The following BMP1 variants were observed in gnomAD, a reference collection of about 807,000 sequenced individuals.
BMP1 encodes the protein mammalian tolloid protein.
BMP1 carries 63 observed loss-of-function variants against 116.8 expected under a neutral mutation model. That is an observed-to-expected ratio of 0.54 (90% CI 0.44 to 0.67). The LOEUF (loss-of-function observed/expected upper bound fraction) is 0.67, where lower values mean the gene tolerates loss of function less well. Ranked by LOEUF, BMP1 falls within the 30% of genes least tolerant of loss-of-function variation. BMP1 has a pLI of 0.00. For missense variants in BMP1, 1,183 were observed against 1,358.9 expected (o/e 0.87, Z 2.04); for synonymous variants, 536 against 533.4 (o/e 1.00, Z -0.07).
rs769344023 is a variant in BMP1 at position 22,194,580 on chromosome 8, A to T, written c.1433A>T (p.Gln478Leu). Residue 478 changes from glutamine to leucine, a missense_variant, in exon 11 of 20, where the codon CAG becomes CTG. By Grantham distance (113) the Gln-to-Leu change is moderately radical (BLOSUM62 -2). Around this residue, in one of 4 missense-constraint regions of BMP1, gnomAD observed 956 missense variants for 1,135.2 expected, o/e 0.84. Transcript: ENST00000306385. This position sits in a 1 kb window ranked among gnomAD's most constrained non-coding sequence, Gnocchi z 4.5. Reference protein sequence around the residue: ...SEGFHVGLTFQSFEIERHDSC... With the variant: ...SEGFHVGLTFLSFEIERHDSC... ...GGCTTCCACGTGGGCCTCACATTCC[A>T]GTCCTTTGAGGTAGGTCAGTGGCCC... 6.2e-7 allele frequency: 1 copy of T among 1,614,094 alleles called. No individual in the cohort carries two copies. The highest frequency in any genetic ancestry group is 2.2e-5 in the East Asian group (1 of 44,870).
At chr8:22,201,009 C>CCCCCCCCCCCCCCCCA in intron 15 of BMP1, 1 of 486,862 alleles carries the variant, frequency 2.1e-6, no homozygotes, top group Non-Finnish European at 3.6e-6. Context: ...CCCTGCCCCT[C>CCCCCCCCCCCCCCCCA]AGATCCACCT....
At chr8:22,196,513 C>A in intron 13 of BMP1, 167 bp from the exon 14 acceptor site, 1 of 979,308 alleles carries the variant, frequency 1.0e-6, no homozygotes, top group Non-Finnish European at 1.5e-6. Context: ...GACACCCAGG[C>A]CACCCTGCCT....
chr8:22,181,610 T>A (rs1828623801), intron 8 of BMP1, among the ~76,000 whole-genome samples: 1 of 151,690 alleles, frequency 6.6e-6, no homozygotes, highest in South Asian at 2.1e-4. Flanking sequence ...TGGAGTGCAG[T>A]GGCGCGATCT....
At chr8:22,175,342 G>A (rs1828401646) in intron 2 of BMP1, among the ~76,000 whole-genome samples, 1 of 152,206 alleles carries the variant, frequency 6.6e-6, no homozygotes, top group South Asian at 2.1e-4. Flanking sequence ...TATTCAATGA[G>A]AAGGGATATT....
chr8:22,193,829 C>T (rs1829000872), intron 9 of BMP1, among the ~76,000 whole-genome samples: 1 of 152,294 alleles, frequency 6.6e-6, no homozygotes, highest in Middle Eastern at 3.4e-3. Context: ...TCTACCTTTC[C>T]TCCTAGAAAT....
chr8:22,202,093 G>A lies in BMP1; in HGVS notation c.2233+165G>A, dbSNP rs13257482. Among the ~76,000 whole-genome samples, 59,671 of 152,152 alleles carry A rather than the reference G, an allele frequency of 0.39. 16,710 individuals carry two copies. Among genetic ancestry groups the A allele is most frequent in the African/African-American group, 0.8 (33,220 of 41,506 alleles). On this transcript the variant is annotated intron_variant, in intron 16 of 19. Transcript: ENST00000306385. ...CTGGTACATAGATCCTCCTCCCGCA[G>A]TGTCGGAGCCACACGCTCACTTCTG...
rs527798004 is a variant in BMP1 at position 22,201,457 on chromosome 8, C to G, written c.2108-346C>G. ...CCTGTTGTGAAGTAAAAGAGGGACC[C>G]CTGCGTCCTGCTCCTTTCTCTTGCA... is the stretch of plus-strand genomic sequence containing the variant. On this transcript the variant is annotated intron_variant, in intron 15 of 19. Transcript: ENST00000306385. 7.8e-5 allele frequency: 109 copies of G among 1,404,404 alleles called. No homozygotes were observed. In the African/African-American group the frequency reaches 1.2e-3, roughly 15 times the overall value. 87.0% of individuals were successfully genotyped at this position (1,404,404 alleles called of 1,614,324 possible).
At chr8:22,178,971 C>G (rs191068157) in intron 6 of BMP1, among the ~76,000 whole-genome samples, 2 of 152,292 alleles carry the variant, frequency 1.3e-5, no homozygotes, top group South Asian at 2.1e-4. Flanking sequence ...TTCTGCCCCC[C>G]ACACCCACAG....
chr8:22,195,419 T>A (rs1050413350), intron 12 of BMP1, 43 bp from the exon 13 acceptor site: 1 of 1,568,090 alleles, frequency 6.4e-7, no homozygotes. Flanking sequence ...GCTTCTTCCC[T>A]TGAATGCCTG....
At chr8:22,167,965 G>A (rs1479263231) in intron 1 of BMP1, among the ~76,000 whole-genome samples, 3 of 152,130 alleles carry the variant, frequency 2.0e-5, no homozygotes, top group African/African-American at 7.2e-5. Flanking sequence ...ACCTCCAGAT[G>A]CTGGAGGTGA....
At position 22,194,083 on chromosome 8, in the gene BMP1, T is replaced by A. The variant is rs371924539; in HGVS notation, c.1206T>A (p.Pro402=). The change falls in exon 10 of 20, where the codon CCT becomes CCA. Residue 402 remains proline (P), a synonymous_variant. Coordinates refer to ENST00000306385, the MANE Select transcript of BMP1 (RefSeq NM_006129.5). This position sits in a 1 kb window ranked among gnomAD's most constrained non-coding sequence, Gnocchi z 4.5. ...GCCGCTTCTGCGGGTCCAAACTCCC[T>A]GAGCCTATCGTCTCCACTGACAGCC... ...LRGRFCGSKL[P]EPIVSTDSRL... is the part of the protein sequence containing the mutation. The A allele has an allele frequency of 6.2e-7, 1 of 1,614,224 alleles. No individual in the cohort carries two copies. The highest frequency in any genetic ancestry group is 8.5e-7 in the Non-Finnish European group (1 of 1,180,032).
chr8:22,196,597 C>T (rs1586463338), intron 13 of BMP1, 83 bp from the exon 14 acceptor site: 2 of 1,591,860 alleles, frequency 1.3e-6, no homozygotes, highest in Non-Finnish European at 1.7e-6. Flanking sequence ...CCATCTTCTC[C>T]TTACTGCATC....
intron 15 of BMP1, chr8:22,198,739 G>A (rs966596123): frequency 2.1e-5 from 4 of 191,812 alleles, no homozygotes; most frequent in Non-Finnish European, 4.2e-5. Flanking sequence ...ACCCCTGCCT[G>A]ACCCCCGGAT....
At chr8:22,196,069 G>C (rs754072743) in intron 13 of BMP1, 14 of 398,116 alleles carry the variant, frequency 3.5e-5, no homozygotes, top group African/African-American at 2.9e-4. Flanking sequence ...CTGTCCCCCC[G>C]TAGGCCGCAT....
rs1270433899 is a variant in BMP1, at chr8:22,186,854, T to TAAAACCGTCTCCTCCTC, written c.1078-5193_1078-5177dup. On this transcript the variant is annotated intron_variant, in intron 8 of 19. Coordinates refer to ENST00000306385, the MANE Select transcript of BMP1 (RefSeq NM_006129.5). ...GATCTGCTAACCGTGATTCCCTTCT[T>TAAAACCGTCTCCTCCTC]AAAACCGTCTCCTCCTCATAAAGGT... is the stretch of plus-strand genomic sequence containing the variant. Among the ~76,000 whole-genome samples, 3 of 152,322 alleles carry TAAAACCGTCTCCTCCTC rather than the reference T, an allele frequency of 2.0e-5. No individual in the cohort carries two copies. The East Asian group carries it at 5.8e-4, about 29-fold the overall frequency.
intron 19 of BMP1, 35 bp from the exon 20 acceptor site, chr8:22,211,559 T>C: frequency 6.2e-7 from 1 of 1,613,404 alleles, no homozygotes; most frequent in Non-Finnish European, 8.5e-7. Flanking sequence ...CCAGCCCCTC[T>C]TCCTCCACCT....
chr8:22,190,529 G>A (rs1159988258), intron 8 of BMP1, among the ~76,000 whole-genome samples: 5 of 152,206 alleles, frequency 3.3e-5, no homozygotes, highest in Non-Finnish European at 4.4e-5. Context: ...GACAATTTTC[G>A]ATGAAGCCGG....
intron 8 of BMP1, among the ~76,000 whole-genome samples, chr8:22,185,926 C>G (rs182112770): frequency 1.3e-3 from 196 of 150,962 alleles, no homozygotes; most frequent in African/African-American, 4.5e-3. Context: ...ACCTCCGCCT[C>G]CCGGGTTCAA....
At chr8:22,178,261 T>G (rs1370826603) in intron 6 of BMP1, among the ~76,000 whole-genome samples, 2 of 152,216 alleles carry the variant, frequency 1.3e-5, no homozygotes, top group Non-Finnish European at 2.9e-5. Context: ...GCCCAAAGGG[T>G]GCTGAGCTTT....
Sources: gnomAD v4.1 joint callset for allele counts (sites outside exome capture counted in the v4.1 genomes callset) on GRCh38, gnomAD v4.1.1 for gene constraint, gnomAD v4.1.1 regional missense constraint, Gnocchi (gnomAD v3.1) non-coding constraint, MANE v1.5 for transcripts, NCBI Gene and HGNC (gene_info 2026-07-23, HGNC 2026-07-21) for gene names.